KIAA1586: variants seen among roughly 807,000 people sequenced by gnomAD.
The protein encoded by KIAA1586 is E3 SUMO-protein ligase KIAA1586.
A neutral mutation model predicts 6.1 loss-of-function variants in KIAA1586; 5 were observed. The ratio of observed to expected loss-of-function variants is 0.82; its 90% CI spans 0.43 to 1.73. The LOEUF is 1.73. Among genes scored for constraint, KIAA1586 ranks in the 40% most tolerant of loss-of-function variants. KIAA1586 has a pLI of 0.02. For missense variants in KIAA1586, 899 were observed against 878.2 expected, an observed-to-expected ratio of 1.02 and a Z score of -0.30; for synonymous variants, 280 against 301.7, an observed-to-expected ratio of 0.93 and a Z score of 0.75.
chr6:57,054,494 AGTT>A lies in KIAA1586; in HGVS notation c.1997_1999del (p.Val666del), dbSNP rs1463439424. The A allele has an allele frequency of 1.3e-6, 2 of 1,595,194 alleles. No homozygotes were observed. Among genetic ancestry groups the A allele is most frequent in the Non-Finnish European group, 1.7e-6 (2 of 1,172,324 alleles). On this transcript the variant is annotated inframe_deletion, in exon 4 of 4. Coordinates refer to ENST00000370733, the MANE Select transcript of KIAA1586 (RefSeq NM_020931.4). ...ATTTGTGTAAAATTTTAAAATATGA[AGTT>A]GATTTGAATGATTTTCGGGAATTTG...
At chr6:57,049,686 T>G (rs1828272577) in intron 2 of KIAA1586, among the ~76,000 whole-genome samples, 1 of 152,218 alleles carries the variant, frequency 6.6e-6, no homozygotes, top group Admixed American at 6.5e-5. Flanking sequence ...TTGTCTAGAT[T>G]GATTATCTTG....
chr6:57,058,859 C>G (rs1245079919), downstream of KIAA1586, among the ~76,000 whole-genome samples: 1 of 152,106 alleles, frequency 6.6e-6, no homozygotes, highest in Non-Finnish European at 1.5e-5. Context: ...CTCAGTAACT[C>G]CGAAGTCAGT....
chr6:57,064,782 T>C, the KIAA1586 span, among the ~76,000 whole-genome samples: 99 of 152,306 alleles, frequency 6.5e-4, no homozygotes, highest in African/African-American at 2.1e-3. Context: ...TGTGTGTATA[T>C]CCCTGTTCTC....
At chr6:57,052,515 G>T (rs1213180085) in intron 3 of KIAA1586, among the ~76,000 whole-genome samples, 171 bp from the exon 4 acceptor site, 1 of 152,002 alleles carries the variant, frequency 6.6e-6, no homozygotes, top group Non-Finnish European at 1.5e-5. Flanking sequence ...CTAATAGTGG[G>T]TTTTTCAAGA....
intron 3 of KIAA1586, 47 bp downstream of exon 3, chr6:57,050,901 A>G (rs1828305406): frequency 1.5e-6 from 2 of 1,335,616 alleles, no homozygotes; most frequent in Non-Finnish European, 2.2e-6. Flanking sequence ...ATTAAGTGCA[A>G]TAGTGTGTTG....
chr6:57,065,404 C>T, the KIAA1586 span, among the ~76,000 whole-genome samples: 1 of 151,958 alleles, frequency 6.6e-6, no homozygotes. Flanking sequence ...TATTCAGAAG[C>T]TGTCATGCCA....
At position 57,054,868 on chromosome 6, in the gene KIAA1586, T is replaced by C; in HGVS notation, c.*5T>C. The C allele has an allele frequency of 6.5e-7, 1 of 1,532,710 alleles. No homozygotes were observed. The highest frequency in any genetic ancestry group is 8.8e-7 in the Non-Finnish European group (1 of 1,136,942). The allele number at this position is 1,532,710 out of a possible 1,614,324, so 94.9% of individuals were successfully genotyped here. A position where few individuals can be genotyped will look rare whatever the true frequency, so the allele number is the denominator to read the frequency against. On this transcript the variant is annotated 3_prime_UTR_variant, in exon 4 of 4. Coordinates refer to ENST00000370733, the MANE Select transcript of KIAA1586 (RefSeq NM_020931.4). Reference sequence around the variant, plus strand: ...GCTATATGGAACTTAAAATAGAATATTGTATACGTTTTTTGTCATCTGTAA... The same window carrying C: ...GCTATATGGAACTTAAAATAGAATACTGTATACGTTTTTTGTCATCTGTAA...
rs561747291 is a variant in KIAA1586, at chr6:57,054,221, T to C, written c.1722T>C (p.Tyr574=). 27 of 1,594,412 alleles carry C rather than the reference T, an allele frequency of 1.7e-5. No individual in the cohort carries two copies. The South Asian group carries it at 2.9e-4, about 17-fold the overall frequency. ...ATTTAAAAATTGGTACTGGAAAGTA[T>C]GAATCTCAAATTGAAGATTTGATCA... ...LENLKIGTGK[Y]ESQIEDLIKS... is the part of the protein sequence containing the mutation. The change falls in exon 4 of 4, where the codon TAT becomes TAC. Residue 574 remains tyrosine (Y), a synonymous_variant. Transcript: ENST00000370733.
At position 57,053,470 on chromosome 6, in the gene KIAA1586, T is replaced by G; in HGVS notation, c.971T>G (p.Val324Gly). 1 of 1,613,152 alleles carries G rather than the reference T, an allele frequency of 6.2e-7. No homozygotes were observed. ...ICIIIDEAST[V>G]SKKTTLVIYL... Reference sequence around the variant, plus strand: ...ATCATAATTGATGAGGCATCTACAGTTTCAAAGAAAACCACCCTAGTGATT... The same window carrying G: ...ATCATAATTGATGAGGCATCTACAGGTTCAAAGAAAACCACCCTAGTGATT... Residue 324 changes from valine (V) to glycine (G), a missense_variant, in exon 4 of 4, where the codon GTT (valine) becomes GGT (glycine). Transcript: ENST00000370733.
chr6:57,066,278 A>C, the KIAA1586 span, among the ~76,000 whole-genome samples: 1 of 152,164 alleles, frequency 6.6e-6, no homozygotes, highest in Non-Finnish European at 1.5e-5. Flanking sequence ...CTCCATCTAA[A>C]AAAAAAGGAA....
In KIAA1586 at chr6:57,054,851, G is replaced by A. The variant is rs1204704459; in HGVS notation, c.2352G>A (p.Trp784Ter). ...KVFHENQLAI[W>*]NLK ...TCCATGAGAATCAATTGGCTATATG[G>A]AACTTAAAATAGAATATTGTATACG... is the stretch of plus-strand genomic sequence containing the variant. Residue 784 changes from tryptophan to a stop codon, truncating the protein, a stop_gained, in exon 4 of 4, where the codon TGG becomes TGA. Coordinates refer to ENST00000370733, the MANE Select transcript of KIAA1586 (RefSeq NM_020931.4). LOFTEE classifies it high-confidence loss of function. 2.6e-6 allele frequency: 4 copies of A among 1,547,110 alleles called. No homozygotes were observed. The highest frequency in any genetic ancestry group is 2.7e-5 in the African/African-American group (2 of 72,734).
downstream of KIAA1586, among the ~76,000 whole-genome samples, chr6:57,058,517 G>A (rs1562573567): frequency 6.6e-6 from 1 of 152,142 alleles, no homozygotes; most frequent in South Asian, 2.1e-4. Context: ...TCCAATAACA[G>A]GGATGCTAGC....
intron 2 of KIAA1586, 62 bp from the exon 3 acceptor site, chr6:57,050,712 T>A: frequency 1.7e-6 from 2 of 1,196,730 alleles, no homozygotes; most frequent in East Asian, 4.7e-5. Flanking sequence ...CACTGATTGT[T>A]AAATTTAAGT....
chr6:57,052,043 A>G (rs1167767266), intron 3 of KIAA1586, among the ~76,000 whole-genome samples: 3 of 152,200 alleles, frequency 2.0e-5, no homozygotes, highest in Admixed American at 6.5e-5. Flanking sequence ...GAATGAGCGA[A>G]ACTCTAATAT....
downstream of KIAA1586, among the ~76,000 whole-genome samples, chr6:57,059,279 C>T (rs979588741): frequency 6.6e-6 from 1 of 150,958 alleles, no homozygotes; most frequent in Non-Finnish European, 1.5e-5. Context: ...ATAAAATAAT[C>T]ATTGTATTTC....
rs1387772400 is a variant in KIAA1586 at position 57,054,249 on chromosome 6, T to C, written c.1750T>C (p.Ser584Pro). 6.3e-7 allele frequency: 1 copy of C among 1,593,632 alleles called. No individual in the cohort carries two copies. Among genetic ancestry groups the C allele is most frequent in the Admixed American group, 1.8e-5 (1 of 54,464 alleles). The change falls in exon 4 of 4, where the codon TCA becomes CCA. Residue 584 changes from serine (S) to proline (P), a missense_variant. By Grantham distance (74) the Ser-to-Pro change is moderately conservative. Transcript: ENST00000370733. ...ATCTCAAATTGAAGATTTGATCAAG[T>C]CAGATAAGTTTAAAGATATTCCATT... ...YESQIEDLIKSDKFKDIPFNK... is the reference protein window; with the variant it reads ...YESQIEDLIKPDKFKDIPFNK...
the KIAA1586 span, among the ~76,000 whole-genome samples, chr6:57,065,019 C>T: frequency 6.6e-6 from 1 of 152,156 alleles, no homozygotes; most frequent in Non-Finnish European, 1.5e-5. Context: ...CAGCTCTGTG[C>T]TCACTCAGTT....
the KIAA1586 span, among the ~76,000 whole-genome samples, chr6:57,060,285 G>C: frequency 2.2e-4 from 33 of 152,080 alleles, no homozygotes; most frequent in African/African-American, 7.2e-4. Flanking sequence ...CTCGATTTAA[G>C]ACAACATGGC....
At position 57,054,549 on chromosome 6, in the gene KIAA1586, G is replaced by A. The variant is rs1170997386; in HGVS notation, c.2050G>A (p.Val684Ile). The A allele has an allele frequency of 4.4e-6, 7 of 1,603,100 alleles. No homozygotes were observed. The highest frequency in any genetic ancestry group is 1.1e-5 in the South Asian group (1 of 89,436). Residue 684 changes from valine (V) to isoleucine (I), a missense_variant, in exon 4 of 4, where the codon GTT becomes ATT. Transcript: ENST00000370733. ...FVNNNIKSNNVSIPTTIYKAK... is the reference protein window; with the variant it reads ...FVNNNIKSNNISIPTTIYKAK... ...AAATAATAATATAAAATCAAACAATGTTTCAATTCCTACAACTATATACAA... is the reference window on the plus strand; with the variant it reads ...AAATAATAATATAAAATCAAACAATATTTCAATTCCTACAACTATATACAA...
Sources: allele counts gnomAD v4.1 joint callset (sites outside exome capture counted in the v4.1 genomes callset), GRCh38; gene constraint gnomAD v4.1.1; transcripts MANE v1.5; gene names NCBI Gene and HGNC (gene_info 2026-07-23, HGNC 2026-07-21).